The following NT5DC4 variants were observed in gnomAD, a reference collection of about 807,000 sequenced individuals.
The protein encoded by NT5DC4 is 5'-nucleotidase domain containing 4.
A neutral mutation model predicts 26.6 loss-of-function variants in NT5DC4; 44 were observed. The observed-to-expected ratio is 1.65, with a 90% CI of 1.30 to 2.13. The LOEUF is 2.13. Ranked by LOEUF, NT5DC4 falls within the 30% of genes most tolerant of loss-of-function variation. The pLI is 0.00. For missense variants in NT5DC4, 399 were observed against 228.1 expected, an observed-to-expected ratio of 1.75 and a Z score of -4.83; for synonymous variants, 157 against 86.7, an observed-to-expected ratio of 1.81 and a Z score of -4.51.
chr2:112,730,488 TC>T (rs1041637829), intron 16 of NT5DC4, among the ~76,000 whole-genome samples: 33 of 152,082 alleles, frequency 2.2e-4, no homozygotes, highest in African/African-American at 7.5e-4. Flanking sequence ...TGAGGCTTCC[TC>T]CCCAGACAGG....
chr2:112,736,671 CAT>C (rs975348000), intron 16 of NT5DC4: 3 of 152,150 alleles, frequency 2.0e-5, no homozygotes, highest in Non-Finnish European at 2.9e-5. Flanking sequence ...TTAAATATTC[CAT>C]ATGTGAGATC....
chr2:112,728,251 C>T (rs1043638133), intron 15 of NT5DC4, among the ~76,000 whole-genome samples: 5 of 152,198 alleles, frequency 3.3e-5, no homozygotes, highest in African/African-American at 7.2e-5. Flanking sequence ...CTCGTCATTT[C>T]CTTGGTAGAA....
rs1388140464 is a variant in NT5DC4 at position 112,723,108 on chromosome 2, C to T, written c.555C>T (p.Asn185=). 3 of 716,802 alleles carry T rather than the reference C, an allele frequency of 4.2e-6. No homozygotes were observed. Among genetic ancestry groups the T allele is most frequent in the East Asian group, 2.7e-5 (1 of 37,286 alleles). The allele number at this position is 716,802 out of a possible 1,614,324, so 44.4% of individuals were successfully genotyped here. The part of the protein sequence containing the change: ...TNCDTGYQHG[N]LFMSFRSLFQ... ...GTGACACCGGCTATCAGCATGGGAA[C>T]CTCTTCATGTCCTTCCGAAGCCTCT... is the stretch of plus-strand genomic sequence containing the variant. Residue 185 remains asparagine, a synonymous_variant, in exon 7 of 17, where the codon AAC becomes AAT. Coordinates refer to ENST00000688554, the MANE Select transcript of NT5DC4 (RefSeq NM_001393655.1).
In NT5DC4 at chr2:112,726,662, G is replaced by A. The variant is rs1281945156; in HGVS notation, c.1206-16G>A. On this transcript the variant is annotated splice_polypyrimidine_tract_variant and intron_variant, in intron 14 of 16. Coordinates refer to ENST00000688554, the MANE Select transcript of NT5DC4 (RefSeq NM_001393655.1). The stretch of plus-strand genomic sequence containing the variant: ...CTCTGTGCCTCCCCTGGGTCACCTA[G>A]CTATTTTTGTACCAGGCACATGGAT... The A allele has an allele frequency of 1.4e-6, 1 of 717,488 alleles. No homozygotes were observed. Among genetic ancestry groups the A allele is most frequent in the South Asian group, 1.5e-5 (1 of 67,608 alleles). The allele number at this position is 717,488 out of a possible 1,614,324, so 44.4% of individuals were successfully genotyped here. A position where few individuals can be genotyped will look rare whatever the true frequency, so the allele number is the denominator to read the frequency against.
chr2:112,721,766 G>A, intron 1 of NT5DC4, 52 bp from the exon 2 acceptor site: 1 of 717,012 alleles, frequency 1.4e-6, no homozygotes, highest in East Asian at 2.7e-5. Flanking sequence ...CTTGGGCCTT[G>A]GATTCTGGGG....
chr2:112,719,840 T>TCCCTCCCTCCCTCCC (rs1676656785), upstream of NT5DC4, among the ~76,000 whole-genome samples: 66 of 78,420 alleles, frequency 8.4e-4, 1 homozygote, highest in Admixed American at 2.3e-3. Flanking sequence ...CCTTCCTTCC[T>TCCCTCCCTCCCTCCC]TCCCTCCCTC....
chr2:112,729,104 T>G (rs1381015378), intron 15 of NT5DC4, among the ~76,000 whole-genome samples: 2 of 152,140 alleles, frequency 1.3e-5, no homozygotes, highest in Non-Finnish European at 2.9e-5. Context: ...TTAAAGAAAT[T>G]TGACCTTGCC....
chr2:112,727,142 G>A (rs918253262), intron 15 of NT5DC4: 13 of 210,022 alleles, frequency 6.2e-5, no homozygotes, highest in Non-Finnish European at 1.1e-4. Context: ...TGGCATTACT[G>A]ACCGGCCACC....
chr2:112,741,286 A>G (rs1679945395), downstream of NT5DC4, among the ~76,000 whole-genome samples: 1 of 151,984 alleles, frequency 6.6e-6, no homozygotes, highest in Non-Finnish European at 1.5e-5. Flanking sequence ...ACATATCTCC[A>G]GTCTCCTATT....
chr2:112,721,671 G>A, intron 1 of NT5DC4, 147 bp from the exon 2 acceptor site: 1 of 715,518 alleles, frequency 1.4e-6, no homozygotes, highest in South Asian at 1.5e-5. Flanking sequence ...CAGGGCCCTG[G>A]CTTGGCCTGA....
rs1677674082 is a variant in NT5DC4 at position 112,726,102 on chromosome 2, G to A, written c.1154-136G>A. 12 of 656,346 alleles carry A rather than the reference G, an allele frequency of 1.8e-5. No homozygotes were observed. The South Asian group carries it at 2.1e-4, about 11-fold the overall frequency. 40.7% of individuals were successfully genotyped at this position (656,346 alleles called of 1,614,324 possible). A position where few individuals can be genotyped will look rare whatever the true frequency, so the allele number is the denominator to read the frequency against. On this transcript the variant is annotated intron_variant, in intron 13 of 16. Transcript: ENST00000688554. ...CAGTCTGGGCAGAGTCTCACGTGAT[G>A]TAAGGGGCCAGGGGTGTTATGCACA...
chr2:112,725,283 C>T (rs996159706), intron 12 of NT5DC4, 43 bp downstream of exon 12: 8 of 695,656 alleles, frequency 1.1e-5, no homozygotes, highest in African/African-American at 8.8e-5. Flanking sequence ...GGGCACCCTC[C>T]TTCCCTCGAC....
chr2:112,719,712 C>T (rs910744264), upstream of NT5DC4, among the ~76,000 whole-genome samples: 6 of 151,820 alleles, frequency 4.0e-5, no homozygotes, highest in Admixed American at 3.3e-4. Flanking sequence ...TCTCAAACTC[C>T]CGACCTAGTG....
intron 16 of NT5DC4, 85 bp from the exon 17 acceptor site, chr2:112,738,828 A>T (rs1307578497): frequency 6.3e-7 from 1 of 1,594,672 alleles, no homozygotes; most frequent in Non-Finnish European, 8.6e-7. Flanking sequence ...AGAAATTATG[A>T]TTCAGGGGTT....
At chr2:112,725,738 G>A (rs887849536) in intron 13 of NT5DC4, among the ~76,000 whole-genome samples, 186 bp downstream of exon 13, 2 of 152,156 alleles carry the variant, frequency 1.3e-5, no homozygotes, top group South Asian at 2.1e-4. Flanking sequence ...CGGCCTGCCC[G>A]AAGTCACACA....
upstream of NT5DC4, among the ~76,000 whole-genome samples, chr2:112,719,775 C>G (rs1032232890): frequency 2.0e-5 from 3 of 150,634 alleles, no homozygotes; most frequent in African/African-American, 7.3e-5. Flanking sequence ...TGAGCCACTG[C>G]GCCAGGCCCT....
At chr2:112,740,898 T>C (rs1168059352), downstream of NT5DC4, 1 of 1,614,146 alleles carries the variant, frequency 6.2e-7, no homozygotes, top group African/African-American at 1.3e-5. Context: ...TCGCCGTGAC[T>C]TGTTCCCTCT....
intron 16 of NT5DC4, chr2:112,738,287 G>A (rs1453204556): frequency 6.5e-6 from 1 of 152,960 alleles, no homozygotes; most frequent in African/African-American, 2.4e-5. Context: ...CAAGGATACT[G>A]TGATGAAAGT....
downstream of NT5DC4, chr2:112,742,867 T>A: frequency 2.6e-6 from 2 of 777,554 alleles, no homozygotes; most frequent in Non-Finnish European, 4.2e-6. Context: ...ATAATAAAAG[T>A]TTCCTTTTAA....
Sources: allele counts gnomAD v4.1 joint callset (sites outside exome capture counted in the v4.1 genomes callset), GRCh38; gene constraint gnomAD v4.1.1; transcripts MANE v1.5; gene names NCBI Gene and HGNC (gene_info 2026-07-23, HGNC 2026-07-21).